CALN1: variants seen among roughly 807,000 people sequenced by gnomAD.
The protein encoded by CALN1 is calneuron 1, also known as calcium-binding protein 8.
CALN1 carries 17 observed loss-of-function variants against 30.6 expected under a neutral mutation model. The ratio of observed to expected loss-of-function variants is 0.56; its 90% confidence interval spans 0.38 to 0.83. CALN1 has a LOEUF of 0.83. Ranked by LOEUF, CALN1 falls within the 40% of genes least tolerant of loss-of-function variation. The pLI is 0.00. For synonymous variants in CALN1, 156 were observed against 131.4 expected, an observed-to-expected ratio of 1.19 and a Z score of -1.28; for missense variants, 291 against 354.9, an observed-to-expected ratio of 0.82 and a Z score of 1.45.
chr7:72,222,457 C>T (rs13236257), intron 3 of CALN1, among the ~76,000 whole-genome samples: 1,923 of 152,176 alleles, frequency 0.013, 50 homozygotes, highest in Non-Finnish European at 0.013. Flanking sequence ...TCAGATCTCA[C>T]GAGAACTCAC....
intron 3 of CALN1, among the ~76,000 whole-genome samples, chr7:72,217,660 C>A (rs1416843139): frequency 5.3e-5 from 8 of 151,582 alleles, no homozygotes; most frequent in Admixed American, 4.6e-4. Context: ...CCAGAAAGAC[C>A]CAACTGACAA....
chr7:72,344,218 T>C (rs1016379054), intron 2 of CALN1, among the ~76,000 whole-genome samples: 10 of 151,980 alleles, frequency 6.6e-5, no homozygotes, highest in South Asian at 2.1e-4. Flanking sequence ...ACAGATTCTG[T>C]TGGAGAGAGA....
chr7:72,103,760 GA>G (rs1241553224), intron 4 of CALN1, among the ~76,000 whole-genome samples: 56 of 152,152 alleles, frequency 3.7e-4, no homozygotes, highest in South Asian at 2.3e-3. Context: ...GATGGAAATG[GA>G]GGGGGGGGGA....
At chr7:71,842,664 A>T (rs980474732) in intron 5 of CALN1, among the ~76,000 whole-genome samples, 2 of 152,230 alleles carry the variant, frequency 1.3e-5, no homozygotes, top group Admixed American at 1.3e-4. Context: ...TGTGCTTGTT[A>T]GAGCACTTTG....
intron 3 of CALN1, among the ~76,000 whole-genome samples, chr7:72,196,831 T>C (rs1322141632): frequency 2.0e-5 from 3 of 152,172 alleles, no homozygotes; most frequent in Non-Finnish European, 2.9e-5. Context: ...ACTGGGTCAT[T>C]TGCCCAGCAG....
At chr7:72,344,631 AATAT>A (rs1214036651) in intron 2 of CALN1, among the ~76,000 whole-genome samples, 2 of 131,674 alleles carry the variant, frequency 1.5e-5, no homozygotes, top group Non-Finnish European at 3.4e-5. Context: ...TATAAATTTA[AATAT>A]ATATTTATAT....
intron 2 of CALN1, among the ~76,000 whole-genome samples, chr7:72,374,202 T>C (rs1439934459): frequency 2.0e-5 from 3 of 152,068 alleles, no homozygotes; most frequent in South Asian, 2.1e-4. Context: ...AAAGGAAATA[T>C]CTAGGTGAAT....
At chr7:71,974,828 C>T (rs761981390) in intron 5 of CALN1, among the ~76,000 whole-genome samples, 3 of 152,170 alleles carry the variant, frequency 2.0e-5, no homozygotes, top group South Asian at 2.1e-4. Flanking sequence ...TCTGTAGCTC[C>T]GAGGTTGGAC....
chr7:71,951,229 GAGC>G (rs573886425), intron 5 of CALN1, among the ~76,000 whole-genome samples: 58 of 152,242 alleles, frequency 3.8e-4, no homozygotes, highest in African/African-American at 1.4e-3. Flanking sequence ...TTTGATCAAA[GAGC>G]TCTCTAACAC....
At chr7:72,372,187 G>A (rs915997887) in intron 2 of CALN1, among the ~76,000 whole-genome samples, 5 of 151,984 alleles carry the variant, frequency 3.3e-5, no homozygotes, top group African/African-American at 1.2e-4. Context: ...CTATCATCTT[G>A]CACCTCAGCC....
At chr7:71,806,263 C>CACGCAA (rs1320562991) in intron 6 of CALN1, among the ~76,000 whole-genome samples, 55 of 137,716 alleles carry the variant, frequency 4.0e-4, no homozygotes, top group African/African-American at 1.6e-3. Context: ...CACACACACA[C>CACGCAA]ACACACAAAC....
chr7:72,487,894 GAA>G, the CALN1 span, among the ~76,000 whole-genome samples: 79 of 55,738 alleles, frequency 1.4e-3, 1 homozygote, highest in Non-Finnish European at 2.4e-3. Flanking sequence ...GAAAAGAAAA[GAA>G]AGAAAGAAAG....
the CALN1 span, among the ~76,000 whole-genome samples, chr7:72,499,833 CTTT>C: frequency 8.4e-5 from 2 of 23,876 alleles, no homozygotes; most frequent in Non-Finnish European, 1.5e-4. Context: ...TTCCTTCTTT[CTTT>C]CTTTCTTTCT....
chr7:72,483,638 T>C, the CALN1 span, among the ~76,000 whole-genome samples: 1 of 152,178 alleles, frequency 6.6e-6, no homozygotes, highest in African/African-American at 2.4e-5. Context: ...GATCTGTGAG[T>C]TTATAGTTTT....
In CALN1 at chr7:72,125,170, T is replaced by C. The variant is rs184137153; in HGVS notation, c.245-18876A>G. On this transcript the variant is annotated intron_variant, in intron 3 of 6. Coordinates refer to ENST00000395275, the MANE Select transcript of CALN1 (RefSeq NM_031468.4). ...CAGCGTCCTAAATACCTGGGACTAC[T>C]CCCAGCTAATCTGTGTATTTTTTTG... 5.3e-5 allele frequency among the ~76,000 whole-genome samples: 8 copies of C among 152,196 alleles called. No individual in the cohort carries two copies. The East Asian group carries it at 1.5e-3, about 29-fold the overall frequency.
At chr7:72,318,642 G>A (rs1270697549) in intron 2 of CALN1, among the ~76,000 whole-genome samples, 3 of 145,434 alleles carry the variant, frequency 2.1e-5, no homozygotes, top group Non-Finnish European at 4.5e-5. Context: ...CTGGGTTCAA[G>A]CAATCCTCCT....
intron 3 of CALN1, among the ~76,000 whole-genome samples, chr7:72,158,623 G>A (rs1016108728): frequency 6.6e-6 from 1 of 152,128 alleles, no homozygotes; most frequent in Non-Finnish European, 1.5e-5. Context: ...TTCCTTCCCC[G>A]TAAAGAGTGA....
chr7:72,122,742 A>G (rs1223696628), intron 3 of CALN1, among the ~76,000 whole-genome samples: 5 of 152,118 alleles, frequency 3.3e-5, no homozygotes, highest in Non-Finnish European at 5.9e-5. Context: ...ACAAGCAAAC[A>G]AACAAAGCTA....
chr7:72,383,378 C>G (rs1479414513), intron 2 of CALN1, among the ~76,000 whole-genome samples: 1 of 152,184 alleles, frequency 6.6e-6, no homozygotes, highest in Non-Finnish European at 1.5e-5. Flanking sequence ...GCATTCCCAC[C>G]AAAAGTGTAT....
Sources: gnomAD v4.1 joint callset for allele counts (sites outside exome capture counted in the v4.1 genomes callset) on GRCh38, gnomAD v4.1.1 for gene constraint, MANE v1.5 for transcripts, NCBI Gene and HGNC (gene_info 2026-07-23, HGNC 2026-07-21) for gene names.